PGPEP1L: variants seen among roughly 807,000 people sequenced by gnomAD.
The protein encoded by PGPEP1L is pyroglutamyl-peptidase I like.
A neutral mutation model predicts 6.0 loss-of-function variants in PGPEP1L; 7 were observed. The ratio of observed to expected loss-of-function variants is 1.17; its 90% CI spans 0.66 to 2.19. The LOEUF (loss-of-function observed/expected upper bound fraction) is 2.19, where lower values mean the gene tolerates loss of function less well. Among genes scored for constraint, PGPEP1L ranks in the 30% most tolerant of loss-of-function variants. PGPEP1L has a pLI of 0.00. For missense variants in PGPEP1L, 209 were observed against 192.5 expected (o/e 1.09, Z -0.51); for synonymous variants, 103 against 83.9 (o/e 1.23, Z -1.24).
chr15:99,002,817 T>C (rs1555473203), intron 2 of PGPEP1L, among the ~76,000 whole-genome samples: 1 of 135,102 alleles, frequency 7.4e-6, no homozygotes, highest in African/African-American at 3.1e-5. Context: ...GTTCCACCTC[T>C]GATTCCTGTG....
chr15:99,001,715 A>AC (rs2017974108), intron 2 of PGPEP1L, among the ~76,000 whole-genome samples: 1 of 151,678 alleles, frequency 6.6e-6, no homozygotes, highest in South Asian at 2.1e-4. Context: ...TGTGTTTTTT[A>AC]TTTTTGCTTG....
intron 2 of PGPEP1L, among the ~76,000 whole-genome samples, chr15:99,001,811 G>T (rs2151766785): frequency 6.6e-6 from 1 of 152,258 alleles, no homozygotes; most frequent in South Asian, 2.1e-4. Flanking sequence ...TCCGCCTCCT[G>T]GGTTCAAGCA....
rs555834876 is a variant in PGPEP1L at position 99,003,619 on chromosome 15, C to T, written c.-142+1810G>A. Among the ~76,000 whole-genome samples, 10 of 152,070 alleles carry T rather than the reference C, an allele frequency of 6.6e-5. No individual in the cohort carries two copies. In the East Asian group the frequency reaches 1.5e-3, roughly 23 times the overall value. On this transcript the variant is annotated intron_variant, in intron 2 of 4. Coordinates refer to ENST00000535714, the MANE Select transcript of PGPEP1L (RefSeq NM_001167902.2). Reference sequence around the variant, plus strand: ...CAATTGTCTTGAGGAGATTTACACACGAAGCAAATCCAATTAAATGAAGAG... The same window carrying T: ...CAATTGTCTTGAGGAGATTTACACATGAAGCAAATCCAATTAAATGAAGAG...
At chr15:99,002,020 TTTTTA>T (rs1555473116) in intron 2 of PGPEP1L, among the ~76,000 whole-genome samples, 46 of 152,144 alleles carry the variant, frequency 3.0e-4, no homozygotes, top group Non-Finnish European at 1.3e-4. Flanking sequence ...CCTGGCCCTA[TTTTTA>T]TTTTCAGACA....
intron 2 of PGPEP1L, among the ~76,000 whole-genome samples, chr15:98,987,771 C>T (rs935191642): frequency 6.6e-6 from 1 of 152,200 alleles, no homozygotes; most frequent in Admixed American, 6.5e-5. Context: ...TTCTGCATTT[C>T]CAACTGAGGT....
chr15:98,969,764 C>CAAACCCCAAATCCACTGGG, intron 3 of PGPEP1L, 113 bp from the exon 4 acceptor site: 2 of 1,076,218 alleles, frequency 1.9e-6, no homozygotes, highest in Middle Eastern at 3.0e-4. Context: ...CAAAACATCT[C>CAAACCCCAAATCCACTGGG]AAACCCCAAA....
chr15:98,969,874 G>A (rs1352904788), intron 3 of PGPEP1L, among the ~76,000 whole-genome samples: 1 of 152,042 alleles, frequency 6.6e-6, no homozygotes, highest in Non-Finnish European at 1.5e-5. Context: ...AACTCATGCT[G>A]CATTTACATT....
rs569611285 is a variant in PGPEP1L at position 98,973,445 on chromosome 15, T to C, written c.-141-2287A>G. 2.0e-5 allele frequency among the ~76,000 whole-genome samples: 3 copies of C among 152,344 alleles called. No homozygotes were observed. In the South Asian group the frequency reaches 6.2e-4, roughly 32 times the overall value. On this transcript the variant is annotated intron_variant, in intron 2 of 4. Coordinates refer to ENST00000535714, the MANE Select transcript of PGPEP1L (RefSeq NM_001167902.2). ...ACAGCACATGGATCATTCTCCAGAA[T>C]AGTTCAAATGTTAGGTCACAAAACA... is the stretch of plus-strand genomic sequence containing the variant.
chr15:98,984,684 C>T (rs549150992), intron 2 of PGPEP1L, among the ~76,000 whole-genome samples: 3 of 152,172 alleles, frequency 2.0e-5, no homozygotes, highest in East Asian at 3.9e-4. Context: ...CGAATGAGGT[C>T]CCAAACCAGA....
At chr15:98,974,963 G>A (rs2017547983) in intron 2 of PGPEP1L, among the ~76,000 whole-genome samples, 1 of 152,198 alleles carries the variant, frequency 6.6e-6, no homozygotes, top group Non-Finnish European at 1.5e-5. Flanking sequence ...AAATCTGACT[G>A]CTGGGTATAT....
chr15:98,986,428 A>G (rs2017748017), intron 2 of PGPEP1L, among the ~76,000 whole-genome samples: 1 of 152,242 alleles, frequency 6.6e-6, no homozygotes, highest in African/African-American at 2.4e-5. Context: ...CTGGATACCA[A>G]AGCTAAGTAG....
chr15:98,997,673 G>A (rs1405778627), intron 2 of PGPEP1L, among the ~76,000 whole-genome samples: 2 of 152,166 alleles, frequency 1.3e-5, no homozygotes, highest in Non-Finnish European at 2.9e-5. Context: ...GTACAAAGTG[G>A]CTTTACATTA....
intron 2 of PGPEP1L, among the ~76,000 whole-genome samples, chr15:98,980,405 A>G (rs2017641037): frequency 2.0e-5 from 3 of 151,860 alleles, no homozygotes; most frequent in Admixed American, 2.0e-4. Flanking sequence ...AGGCCAAAAT[A>G]TGAGAAATAA....
At chr15:98,980,152 A>G (rs2017636765) in intron 2 of PGPEP1L, among the ~76,000 whole-genome samples, 1 of 152,216 alleles carries the variant, frequency 6.6e-6, no homozygotes, top group Admixed American at 6.5e-5. Context: ...CATGTGACCA[A>G]ATACCACCTG....
intron 2 of PGPEP1L, chr15:98,998,134 T>G (rs1446575832): frequency 7.1e-4 from 108 of 152,668 alleles, no homozygotes; most frequent in Non-Finnish European, 1.0e-4. Context: ...CAGCTGGAAT[T>G]CACCAAGTGC....
chr15:98,998,368 A>C (rs1405687597), intron 2 of PGPEP1L, among the ~76,000 whole-genome samples: 1 of 152,090 alleles, frequency 6.6e-6, no homozygotes, highest in African/African-American at 2.4e-5. Context: ...GAGTCCTCAC[A>C]TGTGAGGCAT....
chr15:99,007,198 T>C (rs1487252498), intron 1 of PGPEP1L, among the ~76,000 whole-genome samples, 161 bp downstream of exon 1: 1 of 152,210 alleles, frequency 6.6e-6, no homozygotes, highest in East Asian at 1.9e-4. Context: ...CTCCCTGTCC[T>C]GAGAAGCTGG....
intron 2 of PGPEP1L, among the ~76,000 whole-genome samples, chr15:98,974,076 A>C (rs149352850): frequency 2.0e-5 from 3 of 152,296 alleles, no homozygotes; most frequent in African/African-American, 7.2e-5. Context: ...TAAACCAACA[A>C]ATTGGAAAAT....
intron 2 of PGPEP1L, among the ~76,000 whole-genome samples, chr15:98,984,432 T>C (rs75494213): frequency 5.5e-4 from 83 of 152,226 alleles, no homozygotes; most frequent in Middle Eastern, 6.8e-3. Context: ...AGTGAACACA[T>C]AGCCGGGCCC....
Sources: allele counts gnomAD v4.1 joint callset (sites outside exome capture counted in the v4.1 genomes callset), GRCh38; gene constraint gnomAD v4.1.1; transcripts MANE v1.5; gene names NCBI Gene and HGNC (gene_info 2026-07-23, HGNC 2026-07-21).